The following SGCZ variants were observed in gnomAD, a reference collection of about 807,000 sequenced individuals.
SGCZ encodes zeta-sarcoglycan.
SGCZ carries 40 observed loss-of-function variants against 41.3 expected under a neutral mutation model. The observed-to-expected ratio is 0.97, with a 90% confidence interval of 0.75 to 1.26. The LOEUF (loss-of-function observed/expected upper bound fraction) is 1.26, where lower values mean the gene tolerates loss of function less well. Among genes scored for constraint, SGCZ ranks in the 50% most tolerant of loss-of-function variants. SGCZ has a pLI of 0.00. For missense variants in SGCZ, 552 were observed against 369.8 expected (o/e 1.49, Z -4.04); for synonymous variants, 206 against 137.5 (o/e 1.50, Z -3.49).
At chr8:14,227,943 C>T (rs533646922) in intron 4 of SGCZ, among the ~76,000 whole-genome samples, 1 of 152,038 alleles carries the variant, frequency 6.6e-6, no homozygotes, top group Non-Finnish European at 1.5e-5. Context: ...TAGCTTCTCT[C>T]TCTCTCTACC....
At chr8:14,352,677 AACCCTAGAAAC>A (rs1369632815) in intron 2 of SGCZ, among the ~76,000 whole-genome samples, 1 of 152,052 alleles carries the variant, frequency 6.6e-6, no homozygotes, top group Non-Finnish European at 1.5e-5. Context: ...CAAGCTTTAA[AACCCTAGAAAC>A]TTTCTTTTCT....
intron 1 of SGCZ, among the ~76,000 whole-genome samples, chr8:14,738,228 G>C (rs747555434): frequency 6.6e-6 from 1 of 151,842 alleles, no homozygotes; most frequent in Non-Finnish European, 1.5e-5. Context: ...CTTTCTAAGG[G>C]GGAATCATCT....
At chr8:14,477,849 A>G (rs1186305041) in intron 2 of SGCZ, among the ~76,000 whole-genome samples, 1 of 152,182 alleles carries the variant, frequency 6.6e-6, no homozygotes, top group Non-Finnish European at 1.5e-5. Context: ...CACCAACTTA[A>G]TATCACTCCT....
chr8:14,578,670 A>T (rs550273407), intron 1 of SGCZ, among the ~76,000 whole-genome samples: 3 of 152,208 alleles, frequency 2.0e-5, no homozygotes, highest in African/African-American at 7.2e-5. Context: ...AAATTCGGTG[A>T]TGAATAATAA....
chr8:14,406,911 A>C (rs1262858667), intron 2 of SGCZ, among the ~76,000 whole-genome samples: 1 of 152,126 alleles, frequency 6.6e-6, no homozygotes, highest in African/African-American at 2.4e-5. Context: ...CTGCTACTTC[A>C]ATACAATTTG....
chr8:14,395,556 CAAGA>C (rs769219856), intron 2 of SGCZ, among the ~76,000 whole-genome samples: 4 of 152,060 alleles, frequency 2.6e-5, no homozygotes, highest in African/African-American at 4.8e-5. Context: ...CTACTCTAAA[CAAGA>C]AAGAAAGATA....
At chr8:14,887,704 C>G (rs980717374) in intron 1 of SGCZ, among the ~76,000 whole-genome samples, 3 of 152,072 alleles carry the variant, frequency 2.0e-5, no homozygotes, top group South Asian at 2.1e-4. Flanking sequence ...AGCAATATGA[C>G]AGGAAAGAGT....
intron 1 of SGCZ, among the ~76,000 whole-genome samples, chr8:14,970,658 A>G (rs1801262077): frequency 6.6e-6 from 1 of 152,158 alleles, no homozygotes; most frequent in African/African-American, 2.4e-5. Flanking sequence ...TTCCATTGAC[A>G]AATTTATCTA....
intron 3 of SGCZ, among the ~76,000 whole-genome samples, chr8:14,263,261 G>T (rs969975451): frequency 3.9e-5 from 6 of 152,112 alleles, no homozygotes; most frequent in African/African-American, 1.4e-4. Context: ...TCTATGAAAA[G>T]ATTTAAAAAT....
chr8:14,167,250 T>A (rs889980375), intron 4 of SGCZ, among the ~76,000 whole-genome samples: 14 of 152,284 alleles, frequency 9.2e-5, no homozygotes, highest in East Asian at 3.9e-4. Flanking sequence ...CTGTTTTTCA[T>A]GTAACATCAC....
intron 2 of SGCZ, among the ~76,000 whole-genome samples, chr8:14,378,963 GAATT>G (rs1199103214): frequency 2.0e-5 from 3 of 152,144 alleles, no homozygotes; most frequent in African/African-American, 4.8e-5. Flanking sequence ...TAAAAATTAA[GAATT>G]AATGGATGCT....
Position 14,686,613 on chromosome 8 carries a change from T to C in SGCZ, c.40-131687A>G, listed in dbSNP as rs1384139042. On this transcript the variant is annotated intron_variant, in intron 1 of 7. Transcript: ENST00000382080. ...TTCAGCTTCTGGAGATCATGGCTAT[T>C]ATTAAGTAGAAGCAGGGGTACTGGG... is the stretch of plus-strand genomic sequence containing the variant. 5.9e-5 allele frequency among the ~76,000 whole-genome samples: 9 copies of C among 152,118 alleles called. No homozygotes were observed. In the South Asian group the frequency reaches 1.9e-3, roughly 32 times the overall value.
At chr8:14,966,810 T>G (rs560600417) in intron 1 of SGCZ, among the ~76,000 whole-genome samples, 1 of 152,268 alleles carries the variant, frequency 6.6e-6, no homozygotes, top group African/African-American at 2.4e-5. Flanking sequence ...AACTCAGCAA[T>G]ATTTCAATAG....
chr8:15,234,349 T>G lies in SGCZ; in HGVS notation c.39+3236A>C, dbSNP rs77219705. ...CCCACATTTCCAAAGCAGCAACCCA[T>G]ATTTTGGATTTTTTGATGTTTCTTC... is the stretch of plus-strand genomic sequence containing the variant. On this transcript the variant is annotated intron_variant, in intron 1 of 7. Transcript: ENST00000382080. Among the ~76,000 whole-genome samples the G allele has an allele frequency of 3.6e-3, 551 of 152,286 alleles. 4 individuals are homozygous for G. Among genetic ancestry groups the G allele is most frequent in the African/African-American group, 0.012 (515 of 41,554 alleles).
In SGCZ at chr8:15,036,155, C is replaced by T. The variant is rs997694899; in HGVS notation, c.39+201430G>A. On this transcript the variant is annotated intron_variant, in intron 1 of 7. Coordinates refer to ENST00000382080, the MANE Select transcript of SGCZ (RefSeq NM_139167.4). ...TAGAAATGAAAAAGGAGATGTTACA[C>T]TAATACTACAGAAATAAAGTAGATC... Among the ~76,000 whole-genome samples the T allele has an allele frequency of 1.2e-4, 18 of 151,980 alleles. No homozygotes were observed. In the South Asian group the frequency reaches 2.7e-3, roughly 23 times the overall value.
At chr8:14,387,763 C>T (rs1804626782) in intron 2 of SGCZ, among the ~76,000 whole-genome samples, 1 of 152,014 alleles carries the variant, frequency 6.6e-6, no homozygotes, top group East Asian at 1.9e-4. Flanking sequence ...TTGTTATTTA[C>T]CAATTACTCC....
chr8:14,761,539 A>ATTT lies in SGCZ; in HGVS notation c.40-206616_40-206614dup, dbSNP rs373649476. Reference sequence around the variant, plus strand: ...TATTATTTTATTTATTTATTTATTTATTTTTTTTTTGAGAGGGAGTCTCTC... The same window carrying ATTT: ...TATTATTTTATTTATTTATTTATTTATTTTTTTTTTTTTGAGAGGGAGTCTCTC... On this transcript the variant is annotated intron_variant, in intron 1 of 7. Coordinates refer to ENST00000382080, the MANE Select transcript of SGCZ (RefSeq NM_139167.4). Among the ~76,000 whole-genome samples, 27 of 135,748 alleles carry ATTT rather than the reference A, an allele frequency of 2.0e-4. No homozygotes were observed. In the East Asian group the frequency reaches 2.1e-3, roughly 11 times the overall value. The allele number at this position is 135,748 out of a possible 152,430, so 89.1% of individuals were successfully genotyped here. A position where few individuals can be genotyped will look rare whatever the true frequency, so the allele number is the denominator to read the frequency against.
intron 7 of SGCZ, among the ~76,000 whole-genome samples, chr8:14,098,747 G>C (rs1430388033): frequency 6.6e-6 from 1 of 152,266 alleles, no homozygotes; most frequent in African/African-American, 2.4e-5. Context: ...TGGAGATGTG[G>C]AGAAGAGGGC....
chr8:14,451,334 T>C (rs374499534), intron 2 of SGCZ, among the ~76,000 whole-genome samples: 27 of 152,206 alleles, frequency 1.8e-4, no homozygotes, highest in African/African-American at 6.3e-4. Flanking sequence ...AAAGATGCAG[T>C]CTGTCATCAA....
Sources: gnomAD v4.1 joint callset for allele counts (sites outside exome capture counted in the v4.1 genomes callset) on GRCh38, gnomAD v4.1.1 for gene constraint, MANE v1.5 for transcripts, NCBI Gene and HGNC (gene_info 2026-07-23, HGNC 2026-07-21) for gene names.